Variants in TNNI3K observed in about 807,000 individuals in gnomAD.
The protein encoded by TNNI3K is serine/threonine-protein kinase TNNI3K.
In TNNI3K, 140 loss-of-function variants were observed where a neutral mutation model predicts 114.5. That is an observed-to-expected ratio of 1.22 (90% CI 1.07 to 1.41). TNNI3K has a LOEUF of 1.41. Ranked by LOEUF, TNNI3K falls within the 40% of genes most tolerant of loss-of-function variation. TNNI3K has a pLI of 0.00. For missense variants in TNNI3K, 1,125 were observed against 1,007.6 expected (o/e 1.12, Z -1.58); for synonymous variants, 347 against 347.5 (o/e 1.00, Z 0.02).
chr1:74,274,265 T>C (rs1471890383), intron 5 of TNNI3K, among the ~76,000 whole-genome samples: 1 of 151,936 alleles, frequency 6.6e-6, no homozygotes, highest in Non-Finnish European at 1.5e-5. Flanking sequence ...TTCATCACCA[T>C]TGCCTTCACA....
intron 5 of TNNI3K, among the ~76,000 whole-genome samples, chr1:74,279,897 G>A (rs555909359): frequency 1.4e-4 from 21 of 152,212 alleles, no homozygotes; most frequent in African/African-American, 4.1e-4. Flanking sequence ...TAATTATAAC[G>A]TAATAAATAA....
chr1:74,248,996 C>A (rs1654760804), intron 2 of TNNI3K, among the ~76,000 whole-genome samples: 1 of 152,036 alleles, frequency 6.6e-6, no homozygotes, highest in African/African-American at 2.4e-5. Flanking sequence ...TAATTTCATG[C>A]CATATTTGAC....
chr1:74,489,314 T>G (rs1668926499), intron 22 of TNNI3K, 66 bp downstream of exon 22: 1 of 1,529,080 alleles, frequency 6.5e-7, no homozygotes, highest in African/African-American at 1.4e-5. Flanking sequence ...TGTCAGGGAA[T>G]GTAGATGAGC....
intron 17 of TNNI3K, among the ~76,000 whole-genome samples, chr1:74,392,244 G>A (rs1333174480): frequency 1.3e-5 from 2 of 152,144 alleles, no homozygotes; most frequent in Non-Finnish European, 2.9e-5. Context: ...AGCTACTAGA[G>A]CCGGTGTCCA....
intron 20 of TNNI3K, among the ~76,000 whole-genome samples, chr1:74,449,127 G>T (rs1388075669): frequency 1.3e-5 from 2 of 149,130 alleles, no homozygotes; most frequent in Admixed American, 6.7e-5. Flanking sequence ...ATTGATTATT[G>T]CCACAATTTC....
At chr1:74,388,659 T>TTTA (rs1663612089) in intron 17 of TNNI3K, among the ~76,000 whole-genome samples, 1 of 152,264 alleles carries the variant, frequency 6.6e-6, no homozygotes, top group African/African-American at 2.4e-5. Context: ...TAACTTTATA[T>TTTA]TTATTTATCT....
intron 21 of TNNI3K, among the ~76,000 whole-genome samples, chr1:74,474,628 C>G (rs549594790): frequency 6.6e-6 from 1 of 152,218 alleles, no homozygotes; most frequent in East Asian, 1.9e-4. Flanking sequence ...AGCCTGAATG[C>G]GTAGCCTTAC....
chr1:74,267,649 T>C (rs1656082935), intron 4 of TNNI3K, among the ~76,000 whole-genome samples: 1 of 151,988 alleles, frequency 6.6e-6, no homozygotes, highest in Admixed American at 6.6e-5. Context: ...ATGCAGCAAT[T>C]ACTGCTTTAT....
chr1:74,326,290 C>T (rs188356367), intron 5 of TNNI3K, among the ~76,000 whole-genome samples: 3 of 152,264 alleles, frequency 2.0e-5, no homozygotes, highest in Admixed American at 2.0e-4. Flanking sequence ...TTCCATGGGA[C>T]ATTTGGTTCC....
At chr1:74,427,328 CTTTATTT>C (rs1665687050) in intron 17 of TNNI3K, among the ~76,000 whole-genome samples, 1 of 146,320 alleles carries the variant, frequency 6.8e-6, no homozygotes, top group Non-Finnish European at 1.5e-5. Flanking sequence ...GGCTTGATGA[CTTTATTT>C]TAGTAATCAG....
intron 5 of TNNI3K, among the ~76,000 whole-genome samples, chr1:74,280,757 A>T (rs1405673126): frequency 6.6e-6 from 1 of 152,172 alleles, no homozygotes; most frequent in African/African-American, 2.4e-5. Context: ...GGCCTCAGGG[A>T]CTACAGTACT....
intron 20 of TNNI3K, among the ~76,000 whole-genome samples, chr1:74,445,295 G>T: frequency 1.4e-5 from 2 of 138,110 alleles, no homozygotes; most frequent in Admixed American, 7.3e-5. Flanking sequence ...ATGTATACAT[G>T]TGCCGTGCTG....
At chr1:74,517,008 T>C (rs182197737) in intron 23 of TNNI3K, among the ~76,000 whole-genome samples, 5 of 152,294 alleles carry the variant, frequency 3.3e-5, no homozygotes, top group Admixed American at 2.0e-4. Flanking sequence ...AAAACACTGA[T>C]AGCAATTCAA....
intron 20 of TNNI3K, among the ~76,000 whole-genome samples, chr1:74,448,260 TAA>T (rs71588834): frequency 0.06 from 5,341 of 89,060 alleles, 108 homozygotes; most frequent in Middle Eastern, 0.11. Context: ...TAGAGTATAA[TAA>T]AAAAAAAAAA....
At chr1:74,333,568 T>C (rs1489080270) in intron 6 of TNNI3K, among the ~76,000 whole-genome samples, 1 of 152,208 alleles carries the variant, frequency 6.6e-6, no homozygotes, top group Non-Finnish European at 1.5e-5. Context: ...AAAATTATGC[T>C]AAAATGTGGA....
At chr1:74,357,895 T>C (rs1163881466) in intron 11 of TNNI3K, among the ~76,000 whole-genome samples, 1 of 152,118 alleles carries the variant, frequency 6.6e-6, no homozygotes, top group African/African-American at 2.4e-5. Flanking sequence ...TCAATTTAAA[T>C]TGGTCAGAAG....
chr1:74,500,779 CA>C (rs911211533), intron 23 of TNNI3K, among the ~76,000 whole-genome samples: 1 of 151,612 alleles, frequency 6.6e-6, no homozygotes, highest in Non-Finnish European at 1.5e-5. Flanking sequence ...CCTGCACCTT[CA>C]GGGGGAAAAT....
At chr1:74,480,882 G>A (rs1668463524) in intron 21 of TNNI3K, 1 of 717,300 alleles carries the variant, frequency 1.4e-6, no homozygotes, top group African/African-American at 1.7e-5. Context: ...AGCAGGGCAA[G>A]ATTAAACAAG....
At position 74,255,376 on chromosome 1, in the gene TNNI3K, C is replaced by T. The variant is rs1009742874; in HGVS notation, c.333+4607C>T. Among the ~76,000 whole-genome samples the T allele has an allele frequency of 2.0e-5, 3 of 147,300 alleles. No individual in the cohort carries two copies. The South Asian group carries it at 6.4e-4, about 31-fold the overall frequency. On this transcript the variant is annotated intron_variant, in intron 4 of 24. Coordinates refer to ENST00000326637, the MANE Select transcript of TNNI3K (RefSeq NM_015978.3). ...CTCAAAAAAAAAAAAAAAAAAAATG[C>T]CTAACTTTCTGAGAATGTAACCCCG...
Sources: gnomAD v4.1 joint callset for allele counts (sites outside exome capture counted in the v4.1 genomes callset) on GRCh38, gnomAD v4.1.1 for gene constraint, MANE v1.5 for transcripts, NCBI Gene and HGNC (gene_info 2026-07-23, HGNC 2026-07-21) for gene names.